PSME4: variants seen among roughly 807,000 people sequenced by gnomAD.
PSME4 encodes proteasome activator complex subunit 4.
In PSME4, 89 loss-of-function variants were observed where a neutral mutation model predicts 253.9. The observed-to-expected ratio is 0.35, with a 90% CI of 0.30 to 0.42. The LOEUF (loss-of-function observed/expected upper bound fraction) is 0.42, where lower values mean the gene tolerates loss of function less well. PSME4 is among the 10% of genes least tolerant of loss of function. The probability of loss-of-function intolerance (pLI) is 1.00; values close to 1 mark genes in which losing one functional copy is unlikely to be tolerated. For synonymous variants in PSME4, 851 were observed against 759.2 expected, an observed-to-expected ratio of 1.12 and a Z score of -1.99; for missense variants, 2,014 against 2,195.2, an observed-to-expected ratio of 0.92 and a Z score of 1.65.
intron 41 of PSME4, among the ~76,000 whole-genome samples, chr2:53,879,356 C>T (rs1679276042): frequency 6.6e-6 from 1 of 152,034 alleles, no homozygotes; most frequent in South Asian, 2.1e-4. Context: ...ATGAATCATT[C>T]CTATTGTTAT....
intron 42 of PSME4, among the ~76,000 whole-genome samples, chr2:53,875,062 C>T (rs1490347872): frequency 6.6e-6 from 1 of 152,186 alleles, no homozygotes; most frequent in Non-Finnish European, 1.5e-5. Flanking sequence ...GTAGCAACAG[C>T]AGGGTCTGGA....
chr2:53,964,639 T>C (rs761716350), intron 1 of PSME4, among the ~76,000 whole-genome samples: 2 of 152,256 alleles, frequency 1.3e-5, no homozygotes, highest in Non-Finnish European at 2.9e-5. Flanking sequence ...TACTCAAACA[T>C]TAGATACTCT....
chr2:53,887,238 C>A, intron 40 of PSME4, 21 bp downstream of exon 40: 1 of 1,581,148 alleles, frequency 6.3e-7, no homozygotes, highest in Non-Finnish European at 8.7e-7. Flanking sequence ...AACTGAGTTT[C>A]TACTAATTTT....
chr2:53,873,384 A>T (rs1330732755), intron 43 of PSME4, among the ~76,000 whole-genome samples: 1 of 152,212 alleles, frequency 6.6e-6, no homozygotes, highest in Admixed American at 6.5e-5. Flanking sequence ...CCTGTGAGTA[A>T]AATCTATTTT....
At chr2:53,945,930 G>C (rs79018736) in intron 3 of PSME4, among the ~76,000 whole-genome samples, 7,079 of 152,206 alleles carry the variant, frequency 0.047, 390 homozygotes, top group East Asian at 0.29. Flanking sequence ...AAAATGAAAT[G>C]CTGAGTCTGT....
At chr2:53,866,968 T>C in intron 44 of PSME4, 88 bp from the exon 45 acceptor site, 1 of 1,263,702 alleles carries the variant, frequency 7.9e-7, no homozygotes, top group South Asian at 1.6e-5. Context: ...TTCAATTGTG[T>C]TGTTTTCAAT....
rs1680315470 is a variant in PSME4 at position 53,899,898 on chromosome 2, C to T, written c.3405G>A (p.Lys1135=). 1.9e-6 allele frequency: 3 copies of T among 1,613,672 alleles called. No homozygotes were observed. Among genetic ancestry groups the T allele is most frequent in the Non-Finnish European group, 2.5e-6 (3 of 1,179,732 alleles). ...TCAATTACCTTAGGGCATCGGCATT[C>T]TTTTCCTGTTGGCGTTTAATTCCTT... is the stretch of plus-strand genomic sequence containing the variant. ...IKEGIKRQQE[K]NADALRNYEN... is the part of the protein sequence containing the mutation. Residue 1135 remains lysine (K), a synonymous_variant, in exon 29 of 47, where the codon AAG becomes AAA. Transcript: ENST00000404125.
At chr2:53,934,940 G>A (rs894785420) in intron 7 of PSME4, among the ~76,000 whole-genome samples, 1 of 152,072 alleles carries the variant, frequency 6.6e-6, no homozygotes, top group African/African-American at 2.4e-5. Context: ...GAGGTCAGAG[G>A]CACATGGACA....
chr2:53,909,127 G>A (rs906085915), intron 21 of PSME4, among the ~76,000 whole-genome samples: 4 of 152,054 alleles, frequency 2.6e-5, no homozygotes, highest in Non-Finnish European at 4.4e-5. Context: ...GGGCAAGAAG[G>A]TTGGAGAGGC....
rs61078234 is a variant in PSME4, at chr2:53,940,952, C to CATATTTATATATATAT, written c.501-953_501-952insATATATATATAAATAT. The stretch of plus-strand genomic sequence containing the variant: ...TAATACATATATAAATATATATATA[C>CATATTTATATATATAT]ATATATATATATATATATATATATA... On this transcript the variant is annotated intron_variant, in intron 3 of 46. Coordinates refer to ENST00000404125, the MANE Select transcript of PSME4 (RefSeq NM_014614.3). Among the ~76,000 whole-genome samples, 15 of 24,028 alleles carry CATATTTATATATATAT rather than the reference C, an allele frequency of 6.2e-4. 1 individual carries two copies. The highest frequency in any genetic ancestry group is 1.5e-3 in the Admixed American group (2 of 1,320). The allele number at this position is 24,028 out of a possible 152,430, so 15.8% of individuals were successfully genotyped here. A position where few individuals can be genotyped will look rare whatever the true frequency, so the allele number is the denominator to read the frequency against.
chr2:53,904,125 G>T lies in PSME4; in HGVS notation c.2975C>A (p.Ala992Asp). The change falls in exon 27 of 47, where the codon GCT becomes GAT. Residue 992 changes from alanine (A) to aspartate (D), a missense_variant. By Grantham distance (126) the Ala-to-Asp change is moderately radical. This residue lies in a region of PSME4 where 989 missense variants were observed against 1,021.1 expected (regional missense o/e 0.97). Transcript: ENST00000404125. ...ACAGAAGTTATATGCTCCCAAGGCA[G>T]CAAAAAATGTTTGCTGAGCCTTATT... is the stretch of plus-strand genomic sequence containing the variant. Reference protein sequence around the residue: ...VRNKAQQTFFAALGAYNFCCR... With the variant: ...VRNKAQQTFFDALGAYNFCCR... 1 of 1,611,922 alleles carries T rather than the reference G, an allele frequency of 6.2e-7. No homozygotes were observed. The highest frequency in any genetic ancestry group is 8.5e-7 in the Non-Finnish European group (1 of 1,178,858).
At chr2:53,922,696 G>A in intron 16 of PSME4, 112 bp from the exon 17 acceptor site, 1 of 1,287,954 alleles carries the variant, frequency 7.8e-7, no homozygotes, top group African/African-American at 1.5e-5. Context: ...CCTCTTTTAG[G>A]AAGACTTTTT....
chr2:53,923,652 G>A (rs911397479), intron 14 of PSME4, among the ~76,000 whole-genome samples: 13 of 152,128 alleles, frequency 8.5e-5, no homozygotes, highest in Non-Finnish European at 1.8e-4. Flanking sequence ...GCTGGATGTG[G>A]TGGCTCACAC....
At chr2:53,880,635 T>C (rs898341641) in intron 41 of PSME4, among the ~76,000 whole-genome samples, 2 of 152,220 alleles carry the variant, frequency 1.3e-5, no homozygotes, top group African/African-American at 4.8e-5. Flanking sequence ...CATGATATAC[T>C]GAGTTAAAAA....
chr2:53,900,634 G>A (rs1411535299), intron 28 of PSME4, among the ~76,000 whole-genome samples: 3 of 152,172 alleles, frequency 2.0e-5, no homozygotes, highest in East Asian at 3.8e-4. Flanking sequence ...TTAAAAGGGT[G>A]ATATTTATGA....
chr2:53,871,082 C>T (rs978502883), intron 43 of PSME4: 1 of 152,176 alleles, frequency 6.6e-6, no homozygotes, highest in African/African-American at 2.4e-5. Context: ...TAAATGTGAA[C>T]TACCAGTTAT....
intron 3 of PSME4, among the ~76,000 whole-genome samples, chr2:53,945,248 G>A (rs775094179): frequency 7.9e-5 from 12 of 152,192 alleles, no homozygotes; most frequent in Non-Finnish European, 1.8e-4. Context: ...CTCAAAGTAA[G>A]TGTATGGGAC....
intron 21 of PSME4, 140 bp downstream of exon 21, chr2:53,909,935 A>C: frequency 1.3e-6 from 1 of 793,444 alleles, no homozygotes; most frequent in Non-Finnish European, 2.2e-6. Flanking sequence ...GCGTCACCAC[A>C]CTCCAGCCTG....
At chr2:53,896,661 C>T (rs1680150860) in intron 32 of PSME4, 143 bp downstream of exon 32, 1 of 614,728 alleles carries the variant, frequency 1.6e-6, no homozygotes, top group South Asian at 2.5e-5. Context: ...ACTAAGTCAA[C>T]TGTTTCCTTC....
Sources: gnomAD v4.1 joint callset for allele counts (sites outside exome capture counted in the v4.1 genomes callset) on GRCh38, gnomAD v4.1.1 for gene constraint, gnomAD v4.1.1 regional missense constraint, MANE v1.5 for transcripts, NCBI Gene and HGNC (gene_info 2026-07-23, HGNC 2026-07-21) for gene names.